Variants in CDKN3 observed in about 807,000 individuals in gnomAD.
CDKN3 encodes the protein cyclin dependent kinase inhibitor 3.
Under a neutral mutation model 36.1 loss-of-function variants are expected in CDKN3, and 19 were observed. The observed-to-expected ratio is 0.53, with a 90% confidence interval of 0.37 to 0.77. The LOEUF is 0.77. Among genes scored for constraint, CDKN3 ranks in the 30% least tolerant of loss-of-function variants. The pLI is 0.00. For synonymous variants in CDKN3, 71 were observed against 85.3 expected, an observed-to-expected ratio of 0.83 and a Z score of 0.92; for missense variants, 188 against 248.6, an observed-to-expected ratio of 0.76 and a Z score of 1.64.
chr14:54,411,711 G>A lies in CDKN3; in HGVS notation c.416+5G>A, dbSNP rs530682587. On this transcript the variant is annotated splice_donor_5th_base_variant and intron_variant, in intron 5 of 7. Transcript: ENST00000335183. ...TTACCGAAAAACCTTAATACAGTAC[G>A]TTCTTTTCTCCATACACTATGTGAG... 1.9e-5 allele frequency: 29 copies of A among 1,542,688 alleles called. No individual in the cohort carries two copies. Among genetic ancestry groups the A allele is most frequent in the East Asian group, 2.2e-5 (1 of 44,520 alleles).
intron 5 of CDKN3, among the ~76,000 whole-genome samples, chr14:54,412,553 G>A (rs2030395708): frequency 6.6e-6 from 1 of 152,158 alleles, no homozygotes; most frequent in Non-Finnish European, 1.5e-5. Context: ...AAAAACACAA[G>A]CTGCTGGTGT....
chr14:54,413,529 G>A (rs1007245713), intron 5 of CDKN3: 5 of 1,042,502 alleles, frequency 4.8e-6, no homozygotes, highest in Non-Finnish European at 5.7e-6. Context: ...CAGTAGATGG[G>A]TGACTTTGCA....
intron 7 of CDKN3, 123 bp downstream of exon 7, chr14:54,418,074 ACT>A (rs2030609484): frequency 7.3e-6 from 5 of 687,574 alleles, no homozygotes; most frequent in Non-Finnish European, 1.3e-5. Context: ...AATCCAAAGC[ACT>A]CTGTTATTCA....
intron 3 of CDKN3, among the ~76,000 whole-genome samples, chr14:54,406,422 C>G (rs2030160926): frequency 1.3e-5 from 2 of 152,104 alleles, no homozygotes; most frequent in Non-Finnish European, 2.9e-5. Flanking sequence ...TGGATAATAT[C>G]CTGAAGTGTG....
chr14:54,408,837 A>G lies in CDKN3; in HGVS notation c.193+48A>G, dbSNP rs750105694. 6.7e-6 allele frequency: 10 copies of G among 1,497,112 alleles called. No homozygotes were observed. The Admixed American group carries it at 2.2e-4, about 32-fold the overall frequency. 92.7% of individuals were successfully genotyped at this position (1,497,112 alleles called of 1,614,324 possible). A position where few individuals can be genotyped will look rare whatever the true frequency, so the allele number is the denominator to read the frequency against. On this transcript the variant is annotated intron_variant, in intron 4 of 7. Transcript: ENST00000335183. ...ACACTCATGGGTTTTTTAAATGAAT[A>G]GCATTGAAAAACTCTCTGTCAAAAA...
At chr14:54,411,448 A>ATG (rs757220020) in intron 4 of CDKN3, 36 bp from the exon 5 acceptor site, 14 of 1,481,922 alleles carry the variant, frequency 9.4e-6, no homozygotes, top group Middle Eastern at 1.7e-4. Flanking sequence ...GATGTTTTCT[A>ATG]TGTGTGTGTG....
chr14:54,417,284 G>T (rs1467172260), intron 6 of CDKN3, among the ~76,000 whole-genome samples: 1 of 152,202 alleles, frequency 6.6e-6, no homozygotes, highest in Non-Finnish European at 1.5e-5. Context: ...TAAACACAAT[G>T]TGGCATATCT....
At chr14:54,410,737 G>A (rs1465017436) in intron 4 of CDKN3, among the ~76,000 whole-genome samples, 1 of 152,112 alleles carries the variant, frequency 6.6e-6, no homozygotes, top group Non-Finnish European at 1.5e-5. Flanking sequence ...AAGTGATGAA[G>A]TAGCAGACAT....
chr14:54,412,392 A>AAAAG (rs56665218), intron 5 of CDKN3, among the ~76,000 whole-genome samples: 81 of 150,842 alleles, frequency 5.4e-4, no homozygotes, highest in Admixed American at 2.7e-3. Flanking sequence ...AGAAAAAAAA[A>AAAAG]AATAAAGAAA....
At chr14:54,412,809 CT>C (rs2030405667) in intron 5 of CDKN3, 1 of 489,068 alleles carries the variant, frequency 2.0e-6, no homozygotes, top group Non-Finnish European at 4.1e-6. Context: ...ATTTCATATT[CT>C]AATAACCTGC....
At chr14:54,397,396 C>A (rs952556529) in intron 1 of CDKN3, among the ~76,000 whole-genome samples, 1 of 152,248 alleles carries the variant, frequency 6.6e-6, no homozygotes, top group African/African-American at 2.4e-5. Flanking sequence ...CCGAGGAAAC[C>A]GAGCCGAAGA....
rs2030646992 is a variant in CDKN3, at chr14:54,419,141, A to G, written c.553-851A>G. Among the ~76,000 whole-genome samples the G allele has an allele frequency of 2.0e-5, 3 of 151,852 alleles. No individual in the cohort carries two copies. In the South Asian group the frequency reaches 6.2e-4, roughly 32 times the overall value. On this transcript the variant is annotated intron_variant, in intron 7 of 7. Coordinates refer to ENST00000335183, the MANE Select transcript of CDKN3 (RefSeq NM_005192.4). ...CCACTGCACTCCAGCCTGGGCGACA[A>G]AGTGAGACCCTGTCTCAAAAAAAAA...
At chr14:54,399,367 C>T (rs867949535) in intron 1 of CDKN3, among the ~76,000 whole-genome samples, 8 of 152,218 alleles carry the variant, frequency 5.3e-5, no homozygotes, top group East Asian at 1.9e-4. Flanking sequence ...CAGCTACCTA[C>T]GTGGTCACTC....
In CDKN3 at chr14:54,411,630, C is replaced by A; in HGVS notation, c.340C>A (p.Pro114Thr). 1 of 1,614,016 alleles carries A rather than the reference C, an allele frequency of 6.2e-7. No individual in the cohort carries two copies. Among genetic ancestry groups the A allele is most frequent in the Non-Finnish European group, 8.5e-7 (1 of 1,179,896 alleles). ...TCATCCAATCGCAGATGGAGGGACTCCTGACATAGCCAGCTGCTGTGAAAT... is the reference window on the plus strand; with the variant it reads ...TCATCCAATCGCAGATGGAGGGACTACTGACATAGCCAGCTGCTGTGAAAT... ...HHHPIADGGTPDIASCCEIME... is the reference protein window; with the variant it reads ...HHHPIADGGTTDIASCCEIME... Residue 114 changes from proline (P) to threonine (T), a missense_variant, in exon 5 of 8, where the codon CCT (proline) becomes ACT (threonine). By Grantham distance (38) the Pro-to-Thr change is conservative. Coordinates refer to ENST00000335183, the MANE Select transcript of CDKN3 (RefSeq NM_005192.4).
chr14:54,406,529 G>A (rs1487905993), intron 3 of CDKN3, among the ~76,000 whole-genome samples: 7 of 151,962 alleles, frequency 4.6e-5, no homozygotes, highest in Non-Finnish European at 4.4e-5. Flanking sequence ...TGGAGGCCTT[G>A]TTCATTCCTT....
chr14:54,400,511 T>G (rs1340908305), intron 2 of CDKN3, among the ~76,000 whole-genome samples: 1 of 152,160 alleles, frequency 6.6e-6, no homozygotes, highest in Non-Finnish European at 1.5e-5. Flanking sequence ...AACAAAAAGT[T>G]TCTACATAAA....
At chr14:54,400,540 G>A (rs1429605756) in intron 2 of CDKN3, among the ~76,000 whole-genome samples, 1 of 152,076 alleles carries the variant, frequency 6.6e-6, no homozygotes, top group Non-Finnish European at 1.5e-5. Context: ...TTTAATCTTG[G>A]CAAGTGACTT....
At chr14:54,413,945 C>A in intron 5 of CDKN3, 2 of 567,954 alleles carry the variant, frequency 3.5e-6, no homozygotes. Flanking sequence ...GAGAGCAGAG[C>A]CATGCCCTCT....
chr14:54,410,107 A>T (rs768318982), intron 4 of CDKN3, among the ~76,000 whole-genome samples: 1 of 152,162 alleles, frequency 6.6e-6, no homozygotes, highest in Non-Finnish European at 1.5e-5. Context: ...TGTCATATTC[A>T]TTTAGCATTT....
Sources: allele counts gnomAD v4.1 joint callset (sites outside exome capture counted in the v4.1 genomes callset), GRCh38; gene constraint gnomAD v4.1.1; transcripts MANE v1.5; gene names NCBI Gene and HGNC (gene_info 2026-07-23, HGNC 2026-07-21).